The following DCAF6 variants were observed in gnomAD, a reference collection of about 807,000 sequenced individuals.
The protein encoded by DCAF6 is DDB1- and CUL4-associated factor 6.
A neutral mutation model predicts 125.1 loss-of-function variants in DCAF6; 54 were observed. That is an observed-to-expected ratio of 0.43 (90% CI 0.35 to 0.54). DCAF6 has a LOEUF of 0.54. Ranked by LOEUF, DCAF6 falls within the 20% of genes least tolerant of loss-of-function variation. DCAF6 has a pLI of 0.01. For missense variants in DCAF6, 934 were observed against 1,161.7 expected (o/e 0.80, Z 2.85); for synonymous variants, 371 against 390.4 (o/e 0.95, Z 0.58).
chr1:168,011,975 A>G (rs1044711549), intron 10 of DCAF6, among the ~76,000 whole-genome samples: 3 of 151,892 alleles, frequency 2.0e-5, no homozygotes, highest in African/African-American at 4.8e-5. Flanking sequence ...TCTGTCTCAG[A>G]AAAAAGAAAG....
At chr1:168,049,431 G>GGT (rs1553247413) in intron 16 of DCAF6, among the ~76,000 whole-genome samples, 4 of 101,234 alleles carry the variant, frequency 4.0e-5, no homozygotes, top group Non-Finnish European at 7.4e-5. Context: ...TGTTGTTGTT[G>GGT]TTTTTTTTTT....
chr1:168,008,434 CA>C (rs977809374), intron 10 of DCAF6, among the ~76,000 whole-genome samples: 2 of 152,120 alleles, frequency 1.3e-5, no homozygotes, highest in Admixed American at 1.3e-4. Context: ...AGCTCATCAG[CA>C]AGTTCTTTTG....
intron 12 of DCAF6, among the ~76,000 whole-genome samples, chr1:168,025,035 A>G (rs1392191213): frequency 1.3e-5 from 2 of 152,142 alleles, no homozygotes; most frequent in Non-Finnish European, 2.9e-5. Flanking sequence ...TTAAGGCAAA[A>G]TACAACTATA....
chr1:167,931,104 G>A (rs1049519901), upstream of DCAF6, among the ~76,000 whole-genome samples: 1 of 152,102 alleles, frequency 6.6e-6, no homozygotes, highest in Non-Finnish European at 1.5e-5. Context: ...GCTAAATTTC[G>A]TATTTTTAGT....
chr1:168,042,464 C>T (rs1688663418), intron 13 of DCAF6, among the ~76,000 whole-genome samples: 1 of 151,924 alleles, frequency 6.6e-6, no homozygotes, highest in Non-Finnish European at 1.5e-5. Context: ...AGTATTAAAA[C>T]TGAAGCAGAA....
chr1:168,015,026 T>G (rs573669412), intron 10 of DCAF6, among the ~76,000 whole-genome samples: 1 of 152,312 alleles, frequency 6.6e-6, no homozygotes, highest in East Asian at 1.9e-4. Flanking sequence ...TTCGCAAATG[T>G]CTTTTTCTCT....
At chr1:167,983,608 T>TA (rs1679520493) in intron 4 of DCAF6, among the ~76,000 whole-genome samples, 1 of 152,224 alleles carries the variant, frequency 6.6e-6, no homozygotes, top group African/African-American at 2.4e-5. Flanking sequence ...CCAGAGATGT[T>TA]AGAGTAGGGC....
intron 21 of DCAF6, 146 bp downstream of exon 21, chr1:168,068,609 G>T (rs1343407738): frequency 2.0e-5 from 8 of 396,744 alleles, no homozygotes; most frequent in Admixed American, 4.2e-5. Context: ...TTCTGTGAAT[G>T]CTTGATCTTG....
chr1:167,963,829 T>G (rs180994285), intron 2 of DCAF6, among the ~76,000 whole-genome samples: 1 of 152,250 alleles, frequency 6.6e-6, no homozygotes, highest in Non-Finnish European at 1.5e-5. Context: ...TTATTTGCCC[T>G]AAAGTTTTCA....
chr1:167,966,076 C>G (rs1321055428), intron 2 of DCAF6, among the ~76,000 whole-genome samples: 2 of 152,148 alleles, frequency 1.3e-5, no homozygotes, highest in East Asian at 3.9e-4. Flanking sequence ...AGCCAAGACT[C>G]CTTGTGTTTA....
chr1:168,068,337 G>A lies in DCAF6; in HGVS notation c.2686-21G>A, dbSNP rs377298301. The A allele has an allele frequency of 1.1e-4, 166 of 1,554,188 alleles. 1 individual carries two copies. The African/African-American group carries it at 1.9e-3, about 18-fold the overall frequency. On this transcript the variant is annotated intron_variant, in intron 20 of 21. Transcript: ENST00000367840. ...ACAGTTACTTTATGATCTTTGATAC[G>A]ATTTTTAACTTGCCTTGTAGGTTAT...
the DCAF6 span, chr1:167,870,469 A>G: frequency 6.9e-7 from 1 of 1,439,274 alleles, no homozygotes; most frequent in Non-Finnish European, 9.6e-7. Flanking sequence ...GTCTAGAGAT[A>G]TAAAAAGTCA....
chr1:168,065,592 A>T lies in DCAF6; in HGVS notation c.2442A>T (p.Ile814=). 1 of 1,583,326 alleles carries T rather than the reference A, an allele frequency of 6.3e-7. No individual in the cohort carries two copies. The highest frequency in any genetic ancestry group is 8.6e-7 in the Non-Finnish European group (1 of 1,163,726). ...YKGHRNSRTM[I]KEANFWGANF... is the part of the protein sequence containing the mutation. ...AAATAATTTTTTTTAACCCTTAGAT[A>T]AAAGAAGCCAATTTCTGGGGTGCTA... The change falls in exon 19 of 22, where the codon ATA becomes ATT. Residue 814 remains isoleucine (I), a splice_region_variant and synonymous_variant. Coordinates refer to ENST00000367840, the MANE Select transcript of DCAF6 (RefSeq NM_001198956.2).
intron 13 of DCAF6, among the ~76,000 whole-genome samples, chr1:168,040,424 T>C (rs1352710667): frequency 6.6e-6 from 1 of 151,406 alleles, no homozygotes; most frequent in African/African-American, 2.4e-5. Flanking sequence ...TAAAAAGCTA[T>C]GGCAGTAAGA....
At chr1:167,999,355 A>C (rs1682246978) in intron 7 of DCAF6, among the ~76,000 whole-genome samples, 1 of 152,144 alleles carries the variant, frequency 6.6e-6, no homozygotes, top group Admixed American at 6.6e-5. Flanking sequence ...ATGGTAAATG[A>C]GCATTGGCTT....
chr1:167,953,549 C>T (rs1204168976), intron 2 of DCAF6, among the ~76,000 whole-genome samples: 1 of 152,144 alleles, frequency 6.6e-6, no homozygotes, highest in African/African-American at 2.4e-5. Context: ...AGATGTGGCA[C>T]TTTATGAATT....
intron 4 of DCAF6, among the ~76,000 whole-genome samples, chr1:167,975,898 A>G (rs1163888229): frequency 6.6e-6 from 1 of 152,138 alleles, no homozygotes; most frequent in Non-Finnish European, 1.5e-5. Context: ...TTTTGTATCA[A>G]ATTATTGATA....
At chr1:167,883,688 C>G in the DCAF6 span, 2 of 1,517,748 alleles carry the variant, frequency 1.3e-6, no homozygotes, top group Admixed American at 3.4e-5. Context: ...TCCCCCAACA[C>G]CGCCCCCACC....
intron 21 of DCAF6, among the ~76,000 whole-genome samples, chr1:168,070,291 T>C (rs1692862453): frequency 6.6e-6 from 1 of 152,072 alleles, no homozygotes; most frequent in Non-Finnish European, 1.5e-5. Context: ...TGCCCTTATC[T>C]TTAAGATATC....
Sources: allele counts gnomAD v4.1 joint callset (sites outside exome capture counted in the v4.1 genomes callset), GRCh38; gene constraint gnomAD v4.1.1; transcripts MANE v1.5; gene names NCBI Gene and HGNC (gene_info 2026-07-23, HGNC 2026-07-21).